CTPS2: variants seen among roughly 807,000 people sequenced by gnomAD.
CTPS2 encodes the protein CTP synthase II.
Under a neutral mutation model 46.8 loss-of-function variants are expected in CTPS2, and 19 were observed. That is an observed-to-expected ratio of 0.41 (90% CI 0.28 to 0.60). The LOEUF is 0.60. Among genes scored for constraint, CTPS2 ranks in the 20% least tolerant of loss-of-function variants. CTPS2 has a pLI of 0.35. For synonymous variants in CTPS2, 151 were observed against 165.2 expected (o/e 0.91, Z 0.66); for missense variants, 286 against 447.6 (o/e 0.64, Z 3.26).
chrX:16,703,774 G>A (rs1232755244), intron 1 of CTPS2, among the ~76,000 whole-genome samples: 2 of 111,250 alleles, frequency 1.8e-5, no homozygotes, highest in Admixed American at 9.7e-5. Context: ...AAGTGCCTAG[G>A]TCTGTTGCCC....
intron 14 of CTPS2, among the ~76,000 whole-genome samples, chrX:16,628,617 C>T (rs568973228): frequency 9.0e-6 from 1 of 111,623 alleles, no homozygotes; most frequent in South Asian, 3.8e-4. Context: ...TCACCCACCT[C>T]GGCCTCCCAA....
intron 6 of CTPS2, among the ~76,000 whole-genome samples, chrX:16,692,043 C>T: frequency 8.9e-6 from 1 of 111,792 alleles, no homozygotes; most frequent in Non-Finnish European, 1.9e-5. Flanking sequence ...GCCAATAAAA[C>T]TTTACTTACA....
At chrX:16,698,625 AC>A (rs1193028187) in intron 3 of CTPS2, among the ~76,000 whole-genome samples, 2 of 110,473 alleles carry the variant, frequency 1.8e-5, no homozygotes, top group East Asian at 5.7e-4. Flanking sequence ...ATCTCGGCTC[AC>A]TGCAATCTCT....
chrX:16,647,719 T>C (rs953944495), intron 13 of CTPS2, among the ~76,000 whole-genome samples: 1 of 111,483 alleles, frequency 9.0e-6, no homozygotes, highest in Non-Finnish European at 1.9e-5. Flanking sequence ...GTGTATTATA[T>C]AGAACATGTT....
At chrX:16,602,194 C>T (rs992411333) in intron 17 of CTPS2, among the ~76,000 whole-genome samples, 2 of 111,265 alleles carry the variant, frequency 1.8e-5, no homozygotes, top group African/African-American at 3.3e-5. Context: ...GGTACAACCA[C>T]GAAAGAGAGA....
At chrX:16,708,831 T>C (rs1416132226) in intron 1 of CTPS2, among the ~76,000 whole-genome samples, 1 of 112,442 alleles carries the variant, frequency 8.9e-6, no homozygotes, top group African/African-American at 3.2e-5. Context: ...AGTCACATTA[T>C]GCCTAATAAA....
chrX:16,596,357 A>C (rs1929268369), intron 17 of CTPS2, among the ~76,000 whole-genome samples: 2 of 86,512 alleles, frequency 2.3e-5, no homozygotes, highest in Non-Finnish European at 2.2e-5. Context: ...CTAACCCACA[A>C]CAGTCCCCAG....
At chrX:16,658,441 C>T (rs193264477) in intron 13 of CTPS2, among the ~76,000 whole-genome samples, 229 of 112,177 alleles carry the variant, frequency 2.0e-3, no homozygotes, top group African/African-American at 7.1e-3. Context: ...CTGTCATTTC[C>T]GATTCTTCCA....
intron 13 of CTPS2, among the ~76,000 whole-genome samples, chrX:16,665,757 T>C (rs1253713965): frequency 8.9e-6 from 1 of 111,928 alleles, no homozygotes; most frequent in Non-Finnish European, 1.9e-5. Context: ...GTTTTTTGTT[T>C]GTTTGTTTTT....
At chrX:16,659,909 C>T (rs1380610924) in intron 13 of CTPS2, among the ~76,000 whole-genome samples, 1 of 111,407 alleles carries the variant, frequency 9.0e-6, no homozygotes, top group Non-Finnish European at 1.9e-5. Flanking sequence ...CCAACATCTC[C>T]CCATTTCTCC....
chrX:16,642,253 G>A (rs1399903550), intron 13 of CTPS2, among the ~76,000 whole-genome samples: 1 of 111,911 alleles, frequency 8.9e-6, no homozygotes, highest in African/African-American at 3.2e-5. Flanking sequence ...GAAAATCCAA[G>A]GTATAAATGC....
chrX:16,623,763 GTA>G (rs1232796286), intron 14 of CTPS2, among the ~76,000 whole-genome samples: 3 of 97,251 alleles, frequency 3.1e-5, no homozygotes, highest in Middle Eastern at 5.1e-3. Flanking sequence ...TTCCTTTCGG[GTA>G]TATACCCAGC....
Position 16,691,561 on chromosome X carries a change from A to G in CTPS2, c.699T>C (p.Phe233=). ...EMAVKEKISM[F]CHVNPEQVIC... is the part of the protein sequence containing the mutation. ...CAACCTGTTCAGGGTTCACGTGACA[A>G]AACATAGAAATCTTCTCCTTCACGG... The change falls in exon 7 of 19, where the codon TTT becomes TTC. Residue 233 remains phenylalanine (F), a synonymous_variant. Transcript: ENST00000359276. 1.7e-6 allele frequency: 2 copies of G among 1,211,331 alleles called. No homozygotes were observed. The highest frequency in any genetic ancestry group is 2.2e-6 in the Non-Finnish European group (2 of 894,928).
chrX:16,637,978 G>A (rs954589775), intron 14 of CTPS2, among the ~76,000 whole-genome samples: 2 of 111,701 alleles, frequency 1.8e-5, no homozygotes, highest in African/African-American at 3.3e-5. Flanking sequence ...AATTCTTGCC[G>A]GGCGTGGTGA....
intron 4 of CTPS2, among the ~76,000 whole-genome samples, chrX:16,696,937 A>T (rs1375603613): frequency 9.0e-6 from 1 of 110,987 alleles, no homozygotes; most frequent in Non-Finnish European, 1.9e-5. Context: ...ATATTATTAC[A>T]TTATTACAAA....
chrX:16,685,661 G>A (rs1208591187), intron 8 of CTPS2, among the ~76,000 whole-genome samples: 3 of 105,253 alleles, frequency 2.9e-5, no homozygotes, highest in Non-Finnish European at 3.9e-5. Context: ...GATCAAGATC[G>A]TCCTGGCTAA....
intron 2 of CTPS2, among the ~76,000 whole-genome samples, chrX:16,701,894 C>T (rs907335629): frequency 4.5e-5 from 5 of 111,053 alleles, no homozygotes; most frequent in African/African-American, 1.3e-4. Flanking sequence ...CCACCACGCC[C>T]GGCAGGACAT....
intron 2 of CTPS2, among the ~76,000 whole-genome samples, chrX:16,701,377 C>A (rs992517194): frequency 1.8e-5 from 2 of 108,815 alleles, no homozygotes; most frequent in Non-Finnish European, 3.8e-5. Context: ...AGTAACATGG[C>A]GAAATCCCAG....
intron 14 of CTPS2, among the ~76,000 whole-genome samples, chrX:16,637,325 C>T (rs1931805171): frequency 9.0e-6 from 1 of 111,581 alleles, no homozygotes; most frequent in African/African-American, 3.3e-5. Context: ...CTCAGGTGAT[C>T]GTCCCGCTTC....
Sources: gnomAD v4.1 joint callset for allele counts (sites outside exome capture counted in the v4.1 genomes callset) on GRCh38, gnomAD v4.1.1 for gene constraint, MANE v1.5 for transcripts, NCBI Gene and HGNC (gene_info 2026-07-23, HGNC 2026-07-21) for gene names.